Variants in ZNF282 observed in about 807,000 individuals in gnomAD.
ZNF282 encodes the protein zinc finger protein 282.
In ZNF282, 30 loss-of-function variants were observed where a neutral mutation model predicts 61.9. The observed-to-expected ratio is 0.48, with a 90% CI of 0.36 to 0.66. The LOEUF is 0.66. Among genes scored for constraint, ZNF282 ranks in the 30% least tolerant of loss-of-function variants. ZNF282 has a pLI of 0.00. For synonymous variants in ZNF282, 396 were observed against 405.0 expected (o/e 0.98, Z 0.27); for missense variants, 788 against 941.4 (o/e 0.84, Z 2.13).
At position 149,198,633 on chromosome 7, in the gene ZNF282, A is replaced by G; in HGVS notation, c.466A>G (p.Thr156Ala). The change falls in exon 2 of 8, where the codon ACC (threonine) becomes GCC (alanine). Residue 156 changes from threonine to alanine, a missense_variant. Physicochemically the swap from Thr to Ala is moderately conservative, Grantham distance 58. This residue lies in a region of ZNF282 where 92 missense variants were observed against 163.9 expected (regional missense o/e 0.56). Transcript: ENST00000610704. The surrounding 1 kb of genome is among the most constrained non-coding windows in gnomAD (Gnocchi z 4.3). ...HMESKWAVLG[T>A]LLQEYGLLQR... ...GGAGAGCAAGTGGGCCGTGCTGGGG[A>G]CCCTGCTGCAGGAGTACGGGCTGCT... The G allele has an allele frequency of 6.2e-7, 1 of 1,613,924 alleles. No individual in the cohort carries two copies. The highest frequency in any genetic ancestry group is 8.5e-7 in the Non-Finnish European group (1 of 1,179,980).
At chr7:149,220,892 C>T (rs1441426335) in intron 7 of ZNF282, among the ~76,000 whole-genome samples, 1 of 147,180 alleles carries the variant, frequency 6.8e-6, no homozygotes, top group African/African-American at 2.5e-5. Context: ...GCCAGGATGC[C>T]AGGCTGTGTG....
intron 4 of ZNF282, 87 bp downstream of exon 4, chr7:149,207,557 C>G (rs1371625290): frequency 6.6e-7 from 1 of 1,522,242 alleles, no homozygotes; most frequent in Admixed American, 2.0e-5. Flanking sequence ...CGAGGCGCCA[C>G]TGTGTGTGCA....
chr7:149,195,886 C>T, intron 1 of ZNF282, 132 bp downstream of exon 1: 1 of 819,980 alleles, frequency 1.2e-6, no homozygotes, highest in South Asian at 5.5e-5. Context: ...AGGCGAGGCC[C>T]GAGGCGGGCG....
intron 6 of ZNF282, among the ~76,000 whole-genome samples, chr7:149,213,259 G>A (rs956569643): frequency 6.6e-6 from 1 of 152,198 alleles, no homozygotes; most frequent in African/African-American, 2.4e-5. Context: ...CAGGGCAGAG[G>A]GAAAGCGGGG....
Position 149,226,180 on chromosome 7 carries a change from A to C in ZNF282, c.*1533A>C, listed in dbSNP as rs562403565. 6.5e-6 allele frequency: 1 copy of C among 152,694 alleles called. No individual in the cohort carries two copies. The highest frequency in any genetic ancestry group is 2.4e-5 in the African/African-American group (1 of 41,470). The allele number at this position is 152,694 out of a possible 1,614,324, so 9.5% of individuals were successfully genotyped here. ...AAAAGGTATCCAGATTGCAGACTGC[A>C]TGTTCACAGAGCTGGGGGTTCTCCA... On this transcript the variant is annotated 3_prime_UTR_variant, in exon 8 of 8. Transcript: ENST00000610704.
chr7:149,195,824 G>T lies in ZNF282; in HGVS notation c.165+70G>T, dbSNP rs572391069. The T allele has an allele frequency of 1.5e-4, 187 of 1,237,776 alleles. No individual in the cohort carries two copies. The African/African-American group carries it at 2.6e-3, about 17-fold the overall frequency. The allele number at this position is 1,237,776 out of a possible 1,614,324, so 76.7% of individuals were successfully genotyped here. A position where few individuals can be genotyped will look rare whatever the true frequency, so the allele number is the denominator to read the frequency against. ...GGGGCGCGGGCTGGGCCGCGGGACC[G>T]GGCCGCGCCGTCCTCCGGTAGCCTT... On this transcript the variant is annotated intron_variant, in intron 1 of 7. Coordinates refer to ENST00000610704, the MANE Select transcript of ZNF282 (RefSeq NM_003575.4).
chr7:149,204,441 G>C (rs936101168), intron 2 of ZNF282, among the ~76,000 whole-genome samples: 4 of 152,164 alleles, frequency 2.6e-5, no homozygotes, highest in African/African-American at 9.7e-5. Flanking sequence ...AGTGACCTGA[G>C]GGAGCAGCGT....
intron 7 of ZNF282, 40 bp from the exon 8 acceptor site, chr7:149,223,772 A>G: frequency 6.9e-7 from 1 of 1,456,988 alleles, no homozygotes; most frequent in Non-Finnish European, 9.0e-7. Context: ...GTCCTGGCCG[A>G]GAACCCCTGT....
chr7:149,205,874 C>T (rs185814224), intron 2 of ZNF282, among the ~76,000 whole-genome samples: 1 of 152,080 alleles, frequency 6.6e-6, no homozygotes, highest in Non-Finnish European at 1.5e-5. Flanking sequence ...GAGTGAAAGG[C>T]TGGTTCAGTC....
intron 2 of ZNF282, among the ~76,000 whole-genome samples, chr7:149,206,201 G>T (rs1188804654): frequency 6.6e-6 from 1 of 152,188 alleles, no homozygotes; most frequent in South Asian, 2.1e-4. Flanking sequence ...TCAAGATAGG[G>T]TAGTGAACGA....
rs535930953 is a variant in ZNF282 at position 149,220,574 on chromosome 7, A to G, written c.1181-3238A>G. ...CCATCCTCGGTGTGGCTTCATCCCC[A>G]GGCTGGTAGCACAGCAGCTGCAGCT... is the stretch of plus-strand genomic sequence containing the variant. On this transcript the variant is annotated intron_variant, in intron 7 of 7. Coordinates refer to ENST00000610704, the MANE Select transcript of ZNF282 (RefSeq NM_003575.4). Among the ~76,000 whole-genome samples, 244 of 152,262 alleles carry G rather than the reference A, an allele frequency of 1.6e-3. 1 individual carries two copies. The highest frequency in any genetic ancestry group is 5.6e-3 in the African/African-American group (233 of 41,540).
At position 149,206,553 on chromosome 7, in the gene ZNF282, C is replaced by A. The variant is rs1795993032; in HGVS notation, c.586-143C>A. ...TCCGGGACAGAGAGGACTGACTCCA[C>A]TGAGATGGACAGTGGGGACTGGGGA... On this transcript the variant is annotated intron_variant, in intron 2 of 7. Transcript: ENST00000610704. 5.0e-6 allele frequency: 6 copies of A among 1,210,850 alleles called. No homozygotes were observed. The East Asian group carries it at 7.0e-5, about 14-fold the overall frequency. The allele number at this position is 1,210,850 out of a possible 1,614,324, so 75.0% of individuals were successfully genotyped here. A position where few individuals can be genotyped will look rare whatever the true frequency, so the allele number is the denominator to read the frequency against.
rs1159101999 is a variant in ZNF282 at position 149,198,137 on chromosome 7, G to A, written c.166-196G>A. ...ACCAGCCTGACTCACCTAGGCAGGA[G>A]ATGGGAGAGTGTTGAGTTGGGTGGG... On this transcript the variant is annotated intron_variant, in intron 1 of 7. Transcript: ENST00000610704. The surrounding 1 kb of genome is among the most constrained non-coding windows in gnomAD (Gnocchi z 4.3). 6.6e-6 allele frequency among the ~76,000 whole-genome samples: 1 copy of A among 152,212 alleles called. No homozygotes were observed. The highest frequency in any genetic ancestry group is 1.9e-4 in the East Asian group (1 of 5,194).
chr7:149,219,122 T>C (rs546725848), intron 7 of ZNF282, among the ~76,000 whole-genome samples: 1 of 152,260 alleles, frequency 6.6e-6, no homozygotes, highest in African/African-American at 2.4e-5. Context: ...TCCCTGGAGG[T>C]TGGGCCTCAA....
intron 7 of ZNF282, 100 bp downstream of exon 7, chr7:149,213,914 G>T: frequency 1.3e-6 from 1 of 769,724 alleles, no homozygotes; most frequent in South Asian, 1.7e-5. Flanking sequence ...ACCCCTCGTA[G>T]GGTGATGTTC....
chr7:149,213,509 A>T (rs1405677136), intron 6 of ZNF282, among the ~76,000 whole-genome samples, 192 bp from the exon 7 acceptor site: 2 of 152,104 alleles, frequency 1.3e-5, no homozygotes, highest in Non-Finnish European at 2.9e-5. Context: ...GCCAACTTGA[A>T]ATGCATCGAG....
chr7:149,211,103 T>A (rs925989146), intron 5 of ZNF282, among the ~76,000 whole-genome samples: 60 of 152,166 alleles, frequency 3.9e-4, no homozygotes, highest in Non-Finnish European at 1.8e-4. Context: ...TAAACAAGTA[T>A]TTATGGGCTG....
rs202186203 is a variant in ZNF282 at position 149,213,786 on chromosome 7, C to T, written c.1152C>T (p.Asp384=). 1.1e-5 allele frequency: 17 copies of T among 1,613,748 alleles called. No homozygotes were observed. The highest frequency in any genetic ancestry group is 2.7e-5 in the African/African-American group (2 of 74,862). The part of the protein sequence containing the change: ...PYPWGPRDSM[D]GELGLDSGPS... ...CATGGGGACCACGCGACTCAATGGA[C>T]GGAGAGCTTGGATTAGACTCTGGCC... The change falls in exon 7 of 8, where the codon GAC becomes GAT. Residue 384 remains aspartate (D), a synonymous_variant. Transcript: ENST00000610704.
chr7:149,224,251 C>T lies in ZNF282; in HGVS notation c.1620C>T (p.His540=). Residue 540 remains histidine, a synonymous_variant, in exon 8 of 8, where the codon CAC becomes CAT. Coordinates refer to ENST00000610704, the MANE Select transcript of ZNF282 (RefSeq NM_003575.4). ...RKSLIIHHRS[H]TKERPYECAE... The stretch of plus-strand genomic sequence containing the variant: ...GCCTCATCATCCACCACCGCAGCCA[C>T]ACCAAGGAGCGGCCCTACGAGTGCG... 1 of 1,612,638 alleles carries T rather than the reference C, an allele frequency of 6.2e-7. No homozygotes were observed. The highest frequency in any genetic ancestry group is 8.5e-7 in the Non-Finnish European group (1 of 1,179,906).
Sources: gnomAD v4.1 joint callset for allele counts (sites outside exome capture counted in the v4.1 genomes callset) on GRCh38, gnomAD v4.1.1 for gene constraint, gnomAD v4.1.1 regional missense constraint, Gnocchi (gnomAD v3.1) non-coding constraint, MANE v1.5 for transcripts, NCBI Gene and HGNC (gene_info 2026-07-23, HGNC 2026-07-21) for gene names.